TRIM47: variants seen among roughly 807,000 people sequenced by gnomAD.
TRIM47 encodes tripartite motif containing 47, also known as E3 ubiquitin-protein ligase TRIM47.
A neutral mutation model predicts 54.4 loss-of-function variants in TRIM47; 46 were observed. That is an observed-to-expected ratio of 0.84 (90% CI 0.67 to 1.08). The LOEUF (loss-of-function observed/expected upper bound fraction) is 1.08, where lower values mean the gene tolerates loss of function less well. TRIM47 is among the 50% of genes least tolerant of loss of function. The probability of loss-of-function intolerance (pLI) is 0.00; values close to 1 mark genes in which losing one functional copy is unlikely to be tolerated. For missense variants in TRIM47, 825 were observed against 910.1 expected (o/e 0.91, Z 1.20); for synonymous variants, 392 against 410.2 (o/e 0.96, Z 0.54).
At chr17:75,877,601 C>G in intron 1 of TRIM47, 1 of 1,109,448 alleles carries the variant, frequency 9.0e-7, no homozygotes, top group Non-Finnish European at 1.1e-6. Context: ...GGCTCCCTCC[C>G]GCCTACACCC....
chr17:75,875,137 CAGA>C lies in TRIM47; in HGVS notation c.1277-17_1277-15del. ...CAATATAGGCAACTGATCCCGTGGA[CAGA>C]AGAGAGAGGCAGGGCTCAGGGCCAG... On this transcript the variant is annotated splice_polypyrimidine_tract_variant and intron_variant, in intron 5 of 5. Coordinates refer to ENST00000254816, the MANE Select transcript of TRIM47 (RefSeq NM_033452.3). This position sits in a 1 kb window ranked among gnomAD's most constrained non-coding sequence, Gnocchi z 6.1. 1 of 1,575,176 alleles carries C rather than the reference CAGA, an allele frequency of 6.3e-7. No individual in the cohort carries two copies.
At position 75,876,276 on chromosome 17, in the gene TRIM47, C is replaced by T. The variant is rs1226275725; in HGVS notation, c.988G>A (p.Val330Ile). The part of the protein sequence containing the change: ...NLSQVPEADS[V>I]SFLQELLALR... ...GCGGCCTTCACCTGCAGGAAGCTGA[C>T]TGAGTCAGCTTCAGGGACCTGGCTG... Residue 330 changes from valine (V) to isoleucine (I), a missense_variant, in exon 3 of 6, where the codon GTC becomes ATC. Coordinates refer to ENST00000254816, the MANE Select transcript of TRIM47 (RefSeq NM_033452.3). The T allele has an allele frequency of 6.2e-7, 1 of 1,606,776 alleles. No individual in the cohort carries two copies. Among genetic ancestry groups the T allele is most frequent in the Admixed American group, 1.7e-5 (1 of 59,916 alleles).
rs1290960181 is a variant in TRIM47, at chr17:75,875,144, G to C, written c.1277-21C>G. On this transcript the variant is annotated intron_variant, in intron 5 of 5. Transcript: ENST00000254816. This position sits in a 1 kb window ranked among gnomAD's most constrained non-coding sequence, Gnocchi z 6.1. ...GGCAACTGATCCCGTGGACAGAAGAGAGAGGCAGGGCTCAGGGCCAGGCTC... is the reference window on the plus strand; with the variant it reads ...GGCAACTGATCCCGTGGACAGAAGACAGAGGCAGGGCTCAGGGCCAGGCTC... 2 of 1,569,238 alleles carry C rather than the reference G, an allele frequency of 1.3e-6. No homozygotes were observed. Among genetic ancestry groups the C allele is most frequent in the African/African-American group, 1.3e-5 (1 of 74,244 alleles).
chr17:75,875,384 A>C lies in TRIM47; in HGVS notation c.1276+16T>G. On this transcript the variant is annotated intron_variant, in intron 5 of 5. Coordinates refer to ENST00000254816, the MANE Select transcript of TRIM47 (RefSeq NM_033452.3). This position sits in a 1 kb window ranked among gnomAD's most constrained non-coding sequence, Gnocchi z 6.1. ...AGGGCCCAGTGTGAGTGGAGGGGGC[A>C]CGGGCGTCCACTTACACTTGAGGAA... 2 of 1,612,888 alleles carry C rather than the reference A, an allele frequency of 1.2e-6. No homozygotes were observed. The highest frequency in any genetic ancestry group is 1.7e-6 in the Non-Finnish European group (2 of 1,179,072).
intron 1 of TRIM47, 21 bp from the exon 2 acceptor site, chr17:75,876,834 G>A (rs370531875): frequency 8.4e-5 from 135 of 1,612,010 alleles, no homozygotes; most frequent in Non-Finnish European, 1.1e-4. Context: ...CACCCTCCAT[G>A]AGTGTGAGGT....
rs781319320 is a variant in TRIM47, at chr17:75,878,491, C to T, written c.58G>A (p.Val20Met). Residue 20 changes from valine to methionine, a missense_variant, in exon 1 of 6, where the codon GTG (valine) becomes ATG (methionine). Transcript: ENST00000254816. ...AAGTTGTGGCCGCAGGGCAGCGTCA[C>T]CGGCTCCCGGAGTGGCTCTAGGCAG... ...PICLEPLREP[V>M]TLPCGHNFCL... The T allele has an allele frequency of 1.4e-6, 2 of 1,382,290 alleles. No individual in the cohort carries two copies. Among genetic ancestry groups the T allele is most frequent in the Non-Finnish European group, 1.9e-6 (2 of 1,055,306 alleles). The allele number at this position is 1,382,290 out of a possible 1,614,324, so 85.6% of individuals were successfully genotyped here. A position where few individuals can be genotyped will look rare whatever the true frequency, so the allele number is the denominator to read the frequency against.
At chr17:75,877,021 C>T in intron 1 of TRIM47, 1 of 583,184 alleles carries the variant, frequency 1.7e-6, no homozygotes, top group Non-Finnish European at 3.1e-6. Context: ...GGGGGGCGTG[C>T]AGGCTGACTG....
intron 1 of TRIM47, 115 bp downstream of exon 1, chr17:75,877,759 T>G (rs963098089): frequency 1.6e-6 from 2 of 1,253,360 alleles, no homozygotes; most frequent in African/African-American, 3.1e-5. Context: ...ATCCTCAGGT[T>G]AGAGGAGGAG....
chr17:75,875,301 G>C lies in TRIM47; in HGVS notation c.1276+99C>G. 2.0e-6 allele frequency: 3 copies of C among 1,468,050 alleles called. No individual in the cohort carries two copies. Among genetic ancestry groups the C allele is most frequent in the Non-Finnish European group, 2.8e-6 (3 of 1,055,334 alleles). 90.9% of individuals were successfully genotyped at this position (1,468,050 alleles called of 1,614,324 possible). ...CCTAGCTCTCCCCACAAACTGGGGA[G>C]AGGAATCCTAACCCTTGTGTGCCAG... On this transcript the variant is annotated intron_variant, in intron 5 of 5. Coordinates refer to ENST00000254816, the MANE Select transcript of TRIM47 (RefSeq NM_033452.3). This position sits in a 1 kb window ranked among gnomAD's most constrained non-coding sequence, Gnocchi z 6.1.
Position 75,875,942 on chromosome 17 carries a change from G to A in TRIM47, c.1160C>T (p.Pro387Leu), listed in dbSNP as rs765592086. Reference sequence around the variant, plus strand: ...CTGTGGCCCATCCTCGTTGCCACCCGGCCCCCTCAGCTGCTCCCACTGGTT... The same window carrying A: ...CTGTGGCCCATCCTCGTTGCCACCCAGCCCCCTCAGCTGCTCCCACTGGTT... ...CVNQWEQLRG[P>L]GGNEDGPQKL... The change falls in exon 4 of 6, where the codon CCG becomes CTG. Residue 387 changes from proline to leucine, a missense_variant. Coordinates refer to ENST00000254816, the MANE Select transcript of TRIM47 (RefSeq NM_033452.3). The surrounding 1 kb of genome is among the most constrained non-coding windows in gnomAD (Gnocchi z 6.1). 2.2e-5 allele frequency: 35 copies of A among 1,611,346 alleles called. No homozygotes were observed. Among genetic ancestry groups the A allele is most frequent in the East Asian group, 2.0e-4 (9 of 44,878 alleles).
In TRIM47 at chr17:75,875,987, A is replaced by C; in HGVS notation, c.1115T>G (p.Met372Arg). Residue 372 changes from methionine (M) to arginine (R), a missense_variant, in exon 4 of 6, where the codon ATG becomes AGG. Transcript: ENST00000254816. The surrounding 1 kb of genome is among the most constrained non-coding windows in gnomAD (Gnocchi z 6.1). ...SSQAVRAVRD[M>R]LAVACVNQWE... ...CTGGTTGACGCAGGCCACGGCCAGC[A>C]TGTCTCTCACTGCACGGACAGCTTG... is the stretch of plus-strand genomic sequence containing the variant. 6.2e-7 allele frequency: 1 copy of C among 1,607,774 alleles called. No homozygotes were observed. The highest frequency in any genetic ancestry group is 1.3e-5 in the African/African-American group (1 of 75,038).
At position 75,874,469 on chromosome 17, in the gene TRIM47, G is replaced by C; in HGVS notation, c.*14C>G. 6.7e-7 allele frequency: 1 copy of C among 1,487,476 alleles called. No homozygotes were observed. The highest frequency in any genetic ancestry group is 8.9e-7 in the Non-Finnish European group (1 of 1,118,874). The allele number at this position is 1,487,476 out of a possible 1,614,324, so 92.1% of individuals were successfully genotyped here. Reference sequence around the variant, plus strand: ...CTGGAGCAGAGACGGCAGCAGGAGCGCCCGTGCCCGGCATCACCTCCTCTT... The same window carrying C: ...CTGGAGCAGAGACGGCAGCAGGAGCCCCCGTGCCCGGCATCACCTCCTCTT... On this transcript the variant is annotated 3_prime_UTR_variant, in exon 6 of 6. Transcript: ENST00000254816. This position sits in a 1 kb window ranked among gnomAD's most constrained non-coding sequence, Gnocchi z 6.2.
intron 1 of TRIM47, 89 bp downstream of exon 1, chr17:75,877,785 G>A (rs2065144116): frequency 2.4e-6 from 3 of 1,265,774 alleles, no homozygotes; most frequent in Non-Finnish European, 3.0e-6. Flanking sequence ...GACCCAACCC[G>A]GGAAGACTGG....
chr17:75,878,240 G>A lies in TRIM47; in HGVS notation c.309C>T (p.Ser103=). ...PALAPEPSAP[S]ALPSVPEPSA... ...ACGGCTCCGGGACACTGGGCAGCGC[G>A]CTGGGTGCCGAGGGCTCCGGGGCCA... The change falls in exon 1 of 6, where the codon AGC becomes AGT. Residue 103 remains serine, a synonymous_variant. Transcript: ENST00000254816. 1 of 1,234,362 alleles carries A rather than the reference G, an allele frequency of 8.1e-7. No homozygotes were observed. The highest frequency in any genetic ancestry group is 1.0e-6 in the Non-Finnish European group (1 of 988,984). 76.5% of individuals were successfully genotyped at this position (1,234,362 alleles called of 1,614,324 possible). A position where few individuals can be genotyped will look rare whatever the true frequency, so the allele number is the denominator to read the frequency against.
In TRIM47 at chr17:75,874,303, G is replaced by A. The variant is rs376775960; in HGVS notation, c.*180C>T. ...AGAAGTGAGGTCTGCAGGGGAACAG[G>A]GTCTGGGGGTCCTCCTGCCTGGGAG... is the stretch of plus-strand genomic sequence containing the variant. On this transcript the variant is annotated 3_prime_UTR_variant, in exon 6 of 6. Coordinates refer to ENST00000254816, the MANE Select transcript of TRIM47 (RefSeq NM_033452.3). This position sits in a 1 kb window ranked among gnomAD's most constrained non-coding sequence, Gnocchi z 6.2. 11 of 507,776 alleles carry A rather than the reference G, an allele frequency of 2.2e-5. No homozygotes were observed. The South Asian group carries it at 2.6e-4, about 12-fold the overall frequency. 31.5% of individuals were successfully genotyped at this position (507,776 alleles called of 1,614,324 possible). A position where few individuals can be genotyped will look rare whatever the true frequency, so the allele number is the denominator to read the frequency against.
chr17:75,876,709 G>C lies in TRIM47; in HGVS notation c.771+9C>G. 3 of 1,613,988 alleles carry C rather than the reference G, an allele frequency of 1.9e-6. No homozygotes were observed. Among genetic ancestry groups the C allele is most frequent in the Non-Finnish European group, 2.5e-6 (3 of 1,179,862 alleles). ...TGGATTGTTCCATGCTGAGGGAGGGGTGTTTGACCTTGATGAGGGCCACTG... is the reference window on the plus strand; with the variant it reads ...TGGATTGTTCCATGCTGAGGGAGGGCTGTTTGACCTTGATGAGGGCCACTG... On this transcript the variant is annotated intron_variant, in intron 2 of 5. Transcript: ENST00000254816.
intron 1 of TRIM47, chr17:75,877,248 C>T (rs571669056): frequency 5.5e-6 from 1 of 181,472 alleles, no homozygotes; most frequent in Non-Finnish European, 1.2e-5. Context: ...ACAGTCCAGG[C>T]CTGGAAAAAA....
At chr17:75,877,624 G>A (rs2065143267) in intron 1 of TRIM47, 3 of 1,197,902 alleles carry the variant, frequency 2.5e-6, no homozygotes, top group Admixed American at 4.3e-5. Flanking sequence ...ATAGACCCCG[G>A]CCCGGCTTCA....
In TRIM47 at chr17:75,874,900, T is replaced by C. The variant is rs2065123768; in HGVS notation, c.1500A>G (p.Glu500=). The C allele has an allele frequency of 6.2e-7, 1 of 1,614,000 alleles. No homozygotes were observed. Among genetic ancestry groups the C allele is most frequent in the Non-Finnish European group, 8.5e-7 (1 of 1,180,006 alleles). The change falls in exon 6 of 6, where the codon GAA becomes GAG. Residue 500 remains glutamate (E), a synonymous_variant. Coordinates refer to ENST00000254816, the MANE Select transcript of TRIM47 (RefSeq NM_033452.3). The surrounding 1 kb of genome is among the most constrained non-coding windows in gnomAD (Gnocchi z 6.2). ...EGWVSMGVMA[E]DFSPQEPYDR... is the part of the protein sequence containing the mutation. Reference sequence around the variant, plus strand: ...CGTAGGGCTCTTGTGGGGAGAAGTCTTCGGCCATGACCCCCATGCTGACCC... The same window carrying C: ...CGTAGGGCTCTTGTGGGGAGAAGTCCTCGGCCATGACCCCCATGCTGACCC...
Sources: allele counts gnomAD v4.1 joint callset, GRCh38; gene constraint gnomAD v4.1.1; non-coding constraint Gnocchi (gnomAD v3.1); transcripts MANE v1.5; gene names NCBI Gene and HGNC (gene_info 2026-07-23, HGNC 2026-07-21).